OSBPL6: variants seen among roughly 807,000 people sequenced by gnomAD.
OSBPL6 encodes oxysterol binding protein like 6.
In OSBPL6, 49 loss-of-function variants were observed where a neutral mutation model predicts 125.8. The ratio of observed to expected loss-of-function variants is 0.39; its 90% CI spans 0.31 to 0.49. The LOEUF is 0.49. Ranked by LOEUF, OSBPL6 falls within the 20% of genes least tolerant of loss-of-function variation. The pLI is 0.88. For synonymous variants in OSBPL6, 394 were observed against 391.8 expected, an observed-to-expected ratio of 1.01 and a Z score of -0.07; for missense variants, 986 against 1,135.4, an observed-to-expected ratio of 0.87 and a Z score of 1.89.
chr2:178,229,260 C>T (rs556743993), intron 1 of OSBPL6, among the ~76,000 whole-genome samples: 10 of 152,270 alleles, frequency 6.6e-5, no homozygotes, highest in South Asian at 4.1e-4. Context: ...ATTTCCAACA[C>T]GTGAATTCTG....
At chr2:178,282,411 C>A (rs192472735) in intron 1 of OSBPL6, among the ~76,000 whole-genome samples, 13 of 152,252 alleles carry the variant, frequency 8.5e-5, no homozygotes, top group Admixed American at 1.3e-4. Flanking sequence ...AATCTTACCC[C>A]CTTGGTCCTC....
At chr2:178,201,885 C>T (rs1277143986) in intron 1 of OSBPL6, among the ~76,000 whole-genome samples, 2 of 152,188 alleles carry the variant, frequency 1.3e-5, no homozygotes, top group Admixed American at 6.5e-5. Context: ...TGCTTGTTAA[C>T]TGCAGTTATA....
At chr2:178,361,635 T>C in intron 12 of OSBPL6, 47 bp from the exon 13 acceptor site, 6 of 1,605,244 alleles carry the variant, frequency 3.7e-6, no homozygotes, top group Non-Finnish European at 5.1e-6. Context: ...TTGTGTATTC[T>C]TTCTGCACAT....
chr2:178,233,700 A>C (rs182626359), intron 1 of OSBPL6, among the ~76,000 whole-genome samples: 1 of 152,284 alleles, frequency 6.6e-6, no homozygotes, highest in East Asian at 1.9e-4. Context: ...TGGAGGCTGA[A>C]CTTTGGCATC....
At chr2:178,241,414 G>A (rs1223703466) in intron 1 of OSBPL6, among the ~76,000 whole-genome samples, 5 of 142,488 alleles carry the variant, frequency 3.5e-5, no homozygotes, top group Non-Finnish European at 7.4e-5. Context: ...ACCCGGCCAG[G>A]GCTTTTTTTT....
chr2:178,293,880 G>A (rs1685502123), intron 2 of OSBPL6, among the ~76,000 whole-genome samples: 1 of 151,854 alleles, frequency 6.6e-6, no homozygotes, highest in African/African-American at 2.4e-5. Context: ...AATAGTGCTC[G>A]AGCAATTGGA....
chr2:178,372,556 G>A (rs1693490139), intron 14 of OSBPL6, among the ~76,000 whole-genome samples: 1 of 130,254 alleles, frequency 7.7e-6, no homozygotes, highest in African/African-American at 3.0e-5. Flanking sequence ...GCATCAAATG[G>A]CCGGTGAAAT....
chr2:178,309,963 C>A (rs1307455241), intron 3 of OSBPL6, among the ~76,000 whole-genome samples: 1 of 152,176 alleles, frequency 6.6e-6, no homozygotes, highest in East Asian at 1.9e-4. Context: ...AACAAAATAT[C>A]TTTTGCAATG....
chr2:178,391,036 G>C (rs1229027716), intron 21 of OSBPL6, 37 bp from the exon 22 acceptor site: 1 of 1,608,542 alleles, frequency 6.2e-7, no homozygotes, highest in Non-Finnish European at 8.5e-7. Context: ...TGTTATTAAA[G>C]CCATCAAATG....
rs145032421 is a variant in OSBPL6 at position 178,212,364 on chromosome 2, T to G, written c.-351+17690T>G. ...AGGGGCCAGGGCACTCTTCTTAGAG[T>G]TTTTTAAAATTAATACTTCCTATCG... On this transcript the variant is annotated intron_variant, in intron 1 of 24. Transcript: ENST00000190611. 1.9e-3 allele frequency among the ~76,000 whole-genome samples: 288 copies of G among 152,242 alleles called. 1 individual carries two copies. Among genetic ancestry groups the G allele is most frequent in the African/African-American group, 6.2e-3 (258 of 41,524 alleles).
intron 1 of OSBPL6, among the ~76,000 whole-genome samples, chr2:178,217,382 T>A (rs2090133437): frequency 6.6e-6 from 1 of 152,202 alleles, no homozygotes; most frequent in African/African-American, 2.4e-5. Context: ...TGAATCCTTT[T>A]GCTACAAAAG....
chr2:178,240,587 A>C (rs1005109923), intron 1 of OSBPL6, among the ~76,000 whole-genome samples: 7 of 151,578 alleles, frequency 4.6e-5, no homozygotes, highest in Admixed American at 4.6e-4. Context: ...TAAATAAATA[A>C]ATAGAAGTGT....
chr2:178,198,908 C>G (rs555953750), intron 1 of OSBPL6, among the ~76,000 whole-genome samples: 1 of 152,268 alleles, frequency 6.6e-6, no homozygotes, highest in South Asian at 2.1e-4. Flanking sequence ...TTAATTGGAT[C>G]TCAGTTTTTC....
chr2:178,334,260 T>C (rs1274354540), intron 8 of OSBPL6, among the ~76,000 whole-genome samples: 2 of 152,182 alleles, frequency 1.3e-5, no homozygotes, highest in Non-Finnish European at 2.9e-5. Context: ...GTGAGGAAGC[T>C]GGCTGCCACA....
At chr2:178,388,340 G>T (rs1423426018) in intron 20 of OSBPL6, among the ~76,000 whole-genome samples, 1 of 152,182 alleles carries the variant, frequency 6.6e-6, no homozygotes, top group Non-Finnish European at 1.5e-5. Context: ...TCTTTCTTCA[G>T]TGCACACTCT....
intron 4 of OSBPL6, among the ~76,000 whole-genome samples, chr2:178,324,812 T>C (rs1319365170): frequency 6.6e-6 from 1 of 152,202 alleles, no homozygotes; most frequent in Admixed American, 6.5e-5. Flanking sequence ...AAATAAGCTA[T>C]CAAGGATTAT....
chr2:178,224,895 A>G (rs140160752), intron 1 of OSBPL6, among the ~76,000 whole-genome samples: 2,340 of 152,274 alleles, frequency 0.015, 47 homozygotes, highest in African/African-American at 0.053. Context: ...AGATTGTACC[A>G]CTGCACTCCA....
chr2:178,379,293 A>AAAG lies in OSBPL6; in HGVS notation c.1534-3121_1534-3119dup, dbSNP rs199673778. Among the ~76,000 whole-genome samples the AAAG allele has an allele frequency of 7.7e-5, 11 of 143,758 alleles. No homozygotes were observed. In the East Asian group the frequency reaches 8.3e-4, roughly 11 times the overall value. The allele number at this position is 143,758 out of a possible 152,430, so 94.3% of individuals were successfully genotyped here. A position where few individuals can be genotyped will look rare whatever the true frequency, so the allele number is the denominator to read the frequency against. ...AGAGAAAGAAAGAAAGAAAAGAAAG[A>AAAG]AAGAAGAAAGAAAGAAACAGGAAGG... On this transcript the variant is annotated intron_variant, in intron 15 of 24. Coordinates refer to ENST00000190611, the MANE Select transcript of OSBPL6 (RefSeq NM_032523.4).
rs1348783677 is a variant in OSBPL6 at position 178,395,524 on chromosome 2, G to A, written c.2770G>A (p.Gly924Arg). ...DTYWELRKDPGFSKVDSPVLW is the reference protein window; with the variant it reads ...DTYWELRKDPRFSKVDSPVLW ...CTACTGGGAGCTTCGAAAGGACCCT[G>A]GGTTTAGCAAAGTAGACAGCCCTGT... The change falls in exon 25 of 25, where the codon GGG becomes AGG. Residue 924 changes from glycine (G) to arginine (R), a missense_variant. Gly to Arg is a moderately radical substitution (Grantham distance 125). Transcript: ENST00000190611. 1 of 1,613,596 alleles carries A rather than the reference G, an allele frequency of 6.2e-7. No homozygotes were observed. Among genetic ancestry groups the A allele is most frequent in the Non-Finnish European group, 8.5e-7 (1 of 1,179,748 alleles).
Sources: gnomAD v4.1 joint callset for allele counts (sites outside exome capture counted in the v4.1 genomes callset) on GRCh38, gnomAD v4.1.1 for gene constraint, MANE v1.5 for transcripts, NCBI Gene and HGNC (gene_info 2026-07-23, HGNC 2026-07-21) for gene names.